The following TBL1XR1 variants were observed in gnomAD, a reference collection of about 807,000 sequenced individuals.
TBL1XR1 encodes the protein F-box-like/WD repeat-containing protein TBL1XR1.
A neutral mutation model predicts 66.9 loss-of-function variants in TBL1XR1; 5 were observed. The ratio of observed to expected loss-of-function variants is 0.07; its 90% CI spans 0.04 to 0.16. TBL1XR1 has a LOEUF of 0.16. Ranked by LOEUF, TBL1XR1 falls within the 10% of genes least tolerant of loss-of-function variation. The pLI is 1.00. For missense variants in TBL1XR1, 238 were observed against 623.2 expected (o/e 0.38, Z 6.58); for synonymous variants, 210 against 206.0 (o/e 1.02, Z -0.17).
chr3:177,189,606 G>A (rs1311229135), intron 1 of TBL1XR1, among the ~76,000 whole-genome samples: 2 of 139,732 alleles, frequency 1.4e-5, no homozygotes, highest in African/African-American at 5.6e-5. Flanking sequence ...AGTGAGCGGA[G>A]ATCACATCCA....
chr3:177,169,312 T>A (rs1733190307), intron 1 of TBL1XR1, among the ~76,000 whole-genome samples: 1 of 152,188 alleles, frequency 6.6e-6, no homozygotes, highest in Admixed American at 6.5e-5. Context: ...GCCACAAAAG[T>A]GGATAAATCT....
chr3:177,172,733 A>G (rs1013040747), intron 1 of TBL1XR1, among the ~76,000 whole-genome samples: 2 of 151,540 alleles, frequency 1.3e-5, no homozygotes, highest in African/African-American at 4.8e-5. Flanking sequence ...AGCCAAGCCA[A>G]GCCAAGCCAT....
intron 1 of TBL1XR1, among the ~76,000 whole-genome samples, chr3:177,127,970 G>T: frequency 6.6e-6 from 1 of 152,152 alleles, no homozygotes; most frequent in Non-Finnish European, 1.5e-5. Context: ...TGTAATCCCA[G>T]CACTTTGGGA....
intron 2 of TBL1XR1, among the ~76,000 whole-genome samples, chr3:177,075,814 G>A (rs927242107): frequency 9.9e-5 from 15 of 152,164 alleles, no homozygotes; most frequent in Middle Eastern, 3.4e-3. Context: ...TAAACTAAGA[G>A]GCTTAGAACA....
At chr3:177,115,547 T>A (rs1726204394) in intron 1 of TBL1XR1, among the ~76,000 whole-genome samples, 3 of 152,042 alleles carry the variant, frequency 2.0e-5, no homozygotes. Context: ...CAAAATTTGG[T>A]CAATTCTTCC....
intron 1 of TBL1XR1, among the ~76,000 whole-genome samples, chr3:177,168,317 T>G (rs540324619): frequency 6.6e-6 from 1 of 151,840 alleles, no homozygotes; most frequent in Non-Finnish European, 1.5e-5. Context: ...GTTTCACTCT[T>G]GTTGCCCAGA....
In TBL1XR1 at chr3:177,033,115, A is replaced by C. The variant is rs768051548; in HGVS notation, c.1272T>G (p.Val424=). 4 of 1,558,536 alleles carry C rather than the reference A, an allele frequency of 2.6e-6. No individual in the cohort carries two copies. The East Asian group carries it at 9.1e-5, about 35-fold the overall frequency. ...MLASASFDST[V]RLWDVDRGIC... is the part of the protein sequence containing the mutation. ...TCCCTCGGTCTACATCCCATAACCTAACAGTAGAATCAAAGGATGCACTGA... is the reference window on the plus strand; with the variant it reads ...TCCCTCGGTCTACATCCCATAACCTCACAGTAGAATCAAAGGATGCACTGA... Residue 424 remains valine, a synonymous_variant, in exon 14 of 16, where the codon GTT becomes GTG. Transcript: ENST00000457928.
intron 14 of TBL1XR1, among the ~76,000 whole-genome samples, chr3:177,030,191 G>A (rs956759783): frequency 6.6e-6 from 1 of 151,814 alleles, no homozygotes; most frequent in Non-Finnish European, 1.5e-5. Flanking sequence ...TTTCATTCAT[G>A]TGCACAAGAA....
intron 1 of TBL1XR1, among the ~76,000 whole-genome samples, chr3:177,149,442 T>A (rs1467046071): frequency 6.6e-6 from 1 of 152,246 alleles, no homozygotes; most frequent in East Asian, 1.9e-4. Context: ...GAATATATTT[T>A]ATAATACTTA....
chr3:177,191,531 T>A (rs886577509), intron 1 of TBL1XR1, among the ~76,000 whole-genome samples: 2 of 152,206 alleles, frequency 1.3e-5, no homozygotes, highest in African/African-American at 4.8e-5. Flanking sequence ...AGCACCTGTA[T>A]AGTCCTGATA....
intron 1 of TBL1XR1, among the ~76,000 whole-genome samples, chr3:177,191,532 A>G (rs1313673624): frequency 6.6e-6 from 1 of 152,200 alleles, no homozygotes; most frequent in Non-Finnish European, 1.5e-5. Flanking sequence ...GCACCTGTAT[A>G]GTCCTGATAC....
Position 177,173,150 on chromosome 3 carries a change from G to A in TBL1XR1, c.-122+23971C>T, listed in dbSNP as rs536183677. Among the ~76,000 whole-genome samples, 627 of 152,300 alleles carry A rather than the reference G, an allele frequency of 4.1e-3. 4 individuals carry two copies. The highest frequency in any genetic ancestry group is 0.014 in the African/African-American group (593 of 41,570). On this transcript the variant is annotated intron_variant, in intron 1 of 15. Coordinates refer to ENST00000457928, the MANE Select transcript of TBL1XR1 (RefSeq NM_024665.7). Reference sequence around the variant, plus strand: ...TGCAGTGAGCCGAGATCGTGCCACTGCACTCCAGCCTGGGAAACAAGAGCA... The same window carrying A: ...TGCAGTGAGCCGAGATCGTGCCACTACACTCCAGCCTGGGAAACAAGAGCA...
intron 1 of TBL1XR1, among the ~76,000 whole-genome samples, chr3:177,122,416 G>C (rs756697119): frequency 1.1e-4 from 17 of 152,034 alleles, no homozygotes; most frequent in Non-Finnish European, 1.8e-4. Context: ...AAGAAGTTCA[G>C]CATGTACCCT....
At chr3:177,034,362 C>A (rs2108414853) in intron 12 of TBL1XR1, 37 bp from the exon 13 acceptor site, 1 of 1,393,100 alleles carries the variant, frequency 7.2e-7, no homozygotes, top group South Asian at 1.5e-5. Context: ...ATTATTTTTC[C>A]ATACAATGAG....
chr3:177,148,470 C>T (rs754557197), intron 1 of TBL1XR1, among the ~76,000 whole-genome samples: 9 of 152,216 alleles, frequency 5.9e-5, no homozygotes, highest in Admixed American at 1.3e-4. Flanking sequence ...AATGCCAGCA[C>T]TTTGGGAGGC....
At chr3:177,191,457 G>C (rs1412969708) in intron 1 of TBL1XR1, among the ~76,000 whole-genome samples, 2 of 152,116 alleles carry the variant, frequency 1.3e-5, no homozygotes, top group Non-Finnish European at 2.9e-5. Context: ...CCTACTACCT[G>C]AGCCTCAATT....
At chr3:177,025,903 TCTACAGCTTTGG>T (rs928560721) in intron 15 of TBL1XR1, 2 of 283,460 alleles carry the variant, frequency 7.1e-6, no homozygotes, top group African/African-American at 4.5e-5. Context: ...TTCTGGTGCT[TCTACAGCTTTGG>T]AAGCCATATT....
intron 1 of TBL1XR1, among the ~76,000 whole-genome samples, chr3:177,122,623 A>C (rs1419988917): frequency 6.6e-6 from 1 of 152,118 alleles, no homozygotes; most frequent in African/African-American, 2.4e-5. Context: ...AATGTTATTA[A>C]AGTCGAGTGT....
intron 2 of TBL1XR1, among the ~76,000 whole-genome samples, chr3:177,092,754 CA>C (rs1488008954): frequency 6.6e-6 from 1 of 151,774 alleles, no homozygotes; most frequent in African/African-American, 2.4e-5. Flanking sequence ...TATGATCCAG[CA>C]ATCCCTCTTC....
Sources: gnomAD v4.1 joint callset for allele counts (sites outside exome capture counted in the v4.1 genomes callset) on GRCh38, gnomAD v4.1.1 for gene constraint, MANE v1.5 for transcripts, NCBI Gene and HGNC (gene_info 2026-07-23, HGNC 2026-07-21) for gene names.